The following FOCAD variants were observed in gnomAD, a reference collection of about 807,000 sequenced individuals.
FOCAD encodes the protein KIAA1797.
Under a neutral mutation model 225.6 loss-of-function variants are expected in FOCAD, and 198 were observed. The ratio of observed to expected loss-of-function variants is 0.88; its 90% CI spans 0.78 to 0.99. The LOEUF is 0.99. FOCAD is among the 50% of genes least tolerant of loss of function. FOCAD has a pLI of 0.00. For missense variants in FOCAD, 2,713 were observed against 2,123.6 expected (o/e 1.28, Z -5.46); for synonymous variants, 897 against 755.0 (o/e 1.19, Z -3.08).
At chr9:20,935,027 T>A (rs1835826020) in intron 28 of FOCAD, among the ~76,000 whole-genome samples, 1 of 152,198 alleles carries the variant, frequency 6.6e-6, no homozygotes, top group Non-Finnish European at 1.5e-5. Context: ...ATCAATATTG[T>A]GATAATTACC....
At chr9:20,749,216 G>T (rs1225273175) in intron 5 of FOCAD, among the ~76,000 whole-genome samples, 1 of 152,144 alleles carries the variant, frequency 6.6e-6, no homozygotes, top group Non-Finnish European at 1.5e-5. Flanking sequence ...TGTTGGGGGA[G>T]AATCGTTGTA....
At chr9:20,867,152 C>A (rs1386300293) in intron 18 of FOCAD, 140 bp downstream of exon 18, 2 of 538,790 alleles carry the variant, frequency 3.7e-6, no homozygotes, top group South Asian at 6.2e-5. Context: ...CAAATTCATA[C>A]CCATTATTTG....
intron 35 of FOCAD, among the ~76,000 whole-genome samples, chr9:20,966,036 G>A (rs1355857510): frequency 1.3e-5 from 2 of 152,130 alleles, no homozygotes; most frequent in South Asian, 2.1e-4. Context: ...AATTCTCTTG[G>A]TGTATATATA....
chr9:20,779,844 C>T (rs4978125), intron 9 of FOCAD, among the ~76,000 whole-genome samples: 44,352 of 151,932 alleles, frequency 0.29, 6,834 homozygotes, highest in East Asian at 0.51. Flanking sequence ...ATTGCTCTTT[C>T]ACCTACAGTG....
rs780184240 is a variant in FOCAD at position 20,948,260 on chromosome 9, A to G, written c.3676-11A>G. ...TCTTTTTCTTACCCCATTTTTATTT[A>G]TTTATATCAGACTTCAGGTTTTGCC... On this transcript the variant is annotated splice_polypyrimidine_tract_variant and intron_variant, in intron 30 of 43. Transcript: ENST00000338382. 3 of 1,580,822 alleles carry G rather than the reference A, an allele frequency of 1.9e-6. No homozygotes were observed. Among genetic ancestry groups the G allele is most frequent in the African/African-American group, 1.4e-5 (1 of 71,944 alleles).
In FOCAD at chr9:20,833,001, A is replaced by G. The variant is rs143792415; in HGVS notation, c.1920+9886A>G. On this transcript the variant is annotated intron_variant, in intron 15 of 43. Transcript: ENST00000338382. ...TGCAAATGTCTTTACAAAGTTGCAT[A>G]TACTACTTTGTGTATATACCCAGAA... is the stretch of plus-strand genomic sequence containing the variant. Among the ~76,000 whole-genome samples the G allele has an allele frequency of 3.8e-3, 584 of 152,206 alleles. 5 individuals are homozygous for G. Among genetic ancestry groups the G allele is most frequent in the African/African-American group, 0.014 (567 of 41,554 alleles).
intron 39 of FOCAD, among the ~76,000 whole-genome samples, chr9:20,984,585 C>T (rs1840985584): frequency 6.6e-6 from 1 of 152,062 alleles, no homozygotes; most frequent in African/African-American, 2.4e-5. Context: ...TGTAAATCTC[C>T]TTAATGTCTG....
intron 1 of FOCAD, among the ~76,000 whole-genome samples, chr9:20,714,517 A>G (rs527549270): frequency 6.6e-6 from 1 of 152,156 alleles, no homozygotes; most frequent in Admixed American, 6.6e-5. Context: ...GCTTCATGGA[A>G]ATGGGATAAA....
intron 4 of FOCAD, among the ~76,000 whole-genome samples, chr9:20,732,019 G>A (rs1284646649): frequency 1.3e-5 from 2 of 152,150 alleles, no homozygotes; most frequent in Non-Finnish European, 2.9e-5. Flanking sequence ...GTAAACATGT[G>A]CCGTGGTGGT....
chr9:20,718,008 T>G (rs998479829), intron 3 of FOCAD, 140 bp downstream of exon 3: 7 of 587,892 alleles, frequency 1.2e-5, no homozygotes, highest in Non-Finnish European at 2.0e-5. Context: ...ATTGCCTTTT[T>G]TGTTTATTTG....
At chr9:20,910,028 T>G (rs1453045489) in intron 22 of FOCAD, among the ~76,000 whole-genome samples, 1 of 152,116 alleles carries the variant, frequency 6.6e-6, no homozygotes, top group Non-Finnish European at 1.5e-5. Context: ...AATTAGGATG[T>G]AAGTCTGAGA....
intron 11 of FOCAD, among the ~76,000 whole-genome samples, chr9:20,799,633 G>T (rs1488263278): frequency 1.3e-5 from 2 of 151,576 alleles, no homozygotes; most frequent in African/African-American, 4.8e-5. Context: ...ATCTTTGTTG[G>T]TTTAAAGTCT....
rs899655794 is a variant in FOCAD, at chr9:20,948,148, A to C, written c.3676-123A>C. Reference sequence around the variant, plus strand: ...ACACTTAAGTCTGATTTTTCATATGACAAATACAGCTTGTCATTAGGAAAG... The same window carrying C: ...ACACTTAAGTCTGATTTTTCATATGCCAAATACAGCTTGTCATTAGGAAAG... On this transcript the variant is annotated intron_variant, in intron 30 of 43. Transcript: ENST00000338382. The C allele has an allele frequency of 5.2e-6, 5 of 964,544 alleles. No individual in the cohort carries two copies. In the African/African-American group the frequency reaches 8.4e-5, roughly 16 times the overall value. 59.7% of individuals were successfully genotyped at this position (964,544 alleles called of 1,614,324 possible).
At chr9:20,673,605 A>T (rs904419621) in intron 2 of FOCAD, among the ~76,000 whole-genome samples, 1 of 151,962 alleles carries the variant, frequency 6.6e-6, no homozygotes, top group Non-Finnish European at 1.5e-5. Context: ...AATTATTATT[A>T]TTTTTTTGAG....
intron 11 of FOCAD, among the ~76,000 whole-genome samples, chr9:20,808,444 A>C (rs1206574784): frequency 4.6e-5 from 7 of 152,196 alleles, no homozygotes; most frequent in African/African-American, 1.4e-4. Context: ...TACTGGAATA[A>C]AGGTGTGCAT....
chr9:20,764,344 C>T (rs1829871603), intron 6 of FOCAD, among the ~76,000 whole-genome samples: 1 of 152,152 alleles, frequency 6.6e-6, no homozygotes, highest in Non-Finnish European at 1.5e-5. Flanking sequence ...ACCTCTGCCT[C>T]CTGGGTTCAG....
intron 32 of FOCAD, among the ~76,000 whole-genome samples, chr9:20,949,250 C>G (rs984570446): frequency 1.3e-5 from 2 of 152,146 alleles, no homozygotes; most frequent in East Asian, 3.8e-4. Flanking sequence ...CTCCATTTTG[C>G]ATCTTAATGT....
intron 1 of FOCAD, among the ~76,000 whole-genome samples, chr9:20,704,113 GC>G (rs1824191788): frequency 6.6e-6 from 1 of 152,194 alleles, no homozygotes; most frequent in East Asian, 1.9e-4. Context: ...ATATGTCATT[GC>G]TTCACAGTGC....
intron 11 of FOCAD, among the ~76,000 whole-genome samples, chr9:20,811,635 CT>C (rs1405453871): frequency 6.6e-6 from 1 of 151,682 alleles, no homozygotes; most frequent in Non-Finnish European, 1.5e-5. Flanking sequence ...TACTGTTTAC[CT>C]TTTTTTGTGA....
Sources: allele counts gnomAD v4.1 joint callset (sites outside exome capture counted in the v4.1 genomes callset), GRCh38; gene constraint gnomAD v4.1.1; transcripts MANE v1.5; gene names NCBI Gene and HGNC (gene_info 2026-07-23, HGNC 2026-07-21).